SRPX: variants seen among roughly 807,000 people sequenced by gnomAD.
SRPX encodes sushi repeat-containing protein SRPX.
SRPX carries 24 observed loss-of-function variants against 38.1 expected under a neutral mutation model. The ratio of observed to expected loss-of-function variants is 0.63; its 90% CI spans 0.46 to 0.89. The LOEUF (loss-of-function observed/expected upper bound fraction) is 0.89. Ranked by LOEUF, SRPX falls within the 40% of genes least tolerant of loss-of-function variation. The pLI, the probability that SRPX is intolerant of heterozygous loss-of-function variation, is 0.00. For missense variants in SRPX, 416 were observed against 377.8 expected, an observed-to-expected ratio of 1.10 and a Z score of -0.84; for synonymous variants, 184 against 153.8, an observed-to-expected ratio of 1.20 and a Z score of -1.45.
rs747793007 is a variant in SRPX at position 38,149,751 on chromosome X, A to G, written c.1355T>C (p.Met452Thr). The G allele has an allele frequency of 1.7e-6, 2 of 1,211,234 alleles. No individual in the cohort carries two copies. Among genetic ancestry groups the G allele is most frequent in the Admixed American group, 2.2e-5 (1 of 46,002 alleles). ...IDTFPLRKEE[M>T]VLQAEMSQTC... ...CTGGCTCATTTCGGCTTGTAGGACC[A>G]TCTCTTCTTTTCTCAAGGGAAAAGT... The change falls in exon 10 of 10, where the codon ATG becomes ACG. Residue 452 changes from methionine to threonine, a missense_variant. By Grantham distance (81) the Met-to-Thr change is moderately conservative (BLOSUM62 -1). Coordinates refer to ENST00000378533, the MANE Select transcript of SRPX (RefSeq NM_006307.5).
intron 9 of SRPX, among the ~76,000 whole-genome samples, chrX:38,150,264 G>T (rs1937988472): frequency 8.9e-6 from 1 of 112,379 alleles, no homozygotes; most frequent in African/African-American, 3.2e-5. Context: ...GGTACAAGGT[G>T]CATACAAGGC....
At chrX:38,165,895 T>G (rs1361093887) in intron 4 of SRPX, among the ~76,000 whole-genome samples, 1 of 111,702 alleles carries the variant, frequency 9.0e-6, no homozygotes, top group East Asian at 2.8e-4. Flanking sequence ...GAGTTCTGCC[T>G]CGATAGTGAT....
chrX:38,151,525 C>T (rs866708952), intron 9 of SRPX, among the ~76,000 whole-genome samples: 2 of 111,154 alleles, frequency 1.8e-5, no homozygotes, highest in African/African-American at 6.6e-5. Context: ...CCCACCACCA[C>T]CACCACGGTG....
At position 38,211,622 on chromosome X, in the gene SRPX, C is replaced by A. The variant is rs2066790728; in HGVS notation, c.97+9074G>T. On this transcript the variant is annotated intron_variant, in intron 1 of 9. Coordinates refer to ENST00000378533, the MANE Select transcript of SRPX (RefSeq NM_006307.5). The stretch of plus-strand genomic sequence containing the variant: ...GGCTGAGGCAGGAGAATCTCTTGAA[C>A]CTTGGAGGTGGAGGTTGCAGTGAGC... Among the ~76,000 whole-genome samples the A allele has an allele frequency of 2.7e-5, 3 of 110,418 alleles. No homozygotes were observed. In the Admixed American group the frequency reaches 2.9e-4, roughly 11 times the overall value.
chrX:38,160,927 T>G lies in SRPX; in HGVS notation c.775+6A>C. The G allele has an allele frequency of 8.3e-7, 1 of 1,209,686 alleles. No individual in the cohort carries two copies. Among genetic ancestry groups the G allele is most frequent in the Non-Finnish European group, 1.1e-6 (1 of 894,467 alleles). The stretch of plus-strand genomic sequence containing the variant: ...GGGAAACAAAACCAATAAGCAGTAC[T>G]CTTACCTCTTACTTTAACTCGAAAT... On this transcript the variant is annotated splice_donor_region_variant and intron_variant, in intron 6 of 9. Coordinates refer to ENST00000378533, the MANE Select transcript of SRPX (RefSeq NM_006307.5).
intron 1 of SRPX, among the ~76,000 whole-genome samples, chrX:38,181,457 A>T (rs1474663178): frequency 8.9e-6 from 1 of 112,273 alleles, no homozygotes; most frequent in East Asian, 2.8e-4. Flanking sequence ...ACAGTTGTGC[A>T]TGCAGAAAAT....
chrX:38,185,504 A>G (rs1466197876), intron 1 of SRPX, among the ~76,000 whole-genome samples: 1 of 111,908 alleles, frequency 8.9e-6, no homozygotes, highest in Non-Finnish European at 1.9e-5. Flanking sequence ...AACATGATTT[A>G]AAGATGAAGG....
chrX:38,190,695 G>A, intron 1 of SRPX, among the ~76,000 whole-genome samples: 1 of 111,780 alleles, frequency 8.9e-6, no homozygotes, highest in Non-Finnish European at 1.9e-5. Context: ...ATGATCATCT[G>A]CAGGCTTTTG....
intron 1 of SRPX, among the ~76,000 whole-genome samples, chrX:38,208,434 T>C (rs1939253606): frequency 8.9e-6 from 1 of 112,266 alleles, no homozygotes; most frequent in Non-Finnish European, 1.9e-5. Context: ...TACTCTTTTG[T>C]GTCTGGTTTA....
chrX:38,163,486 C>G (rs1318987225), intron 5 of SRPX, among the ~76,000 whole-genome samples: 2 of 112,001 alleles, frequency 1.8e-5, no homozygotes, highest in Non-Finnish European at 3.8e-5. Context: ...TATGAATGTG[C>G]TAACATGAAG....
intron 9 of SRPX, among the ~76,000 whole-genome samples, chrX:38,151,266 T>G (rs1938007668): frequency 8.9e-6 from 1 of 111,852 alleles, no homozygotes; most frequent in African/African-American, 3.3e-5. Flanking sequence ...GACTGCAAAG[T>G]GCATTAATGA....
intron 4 of SRPX, 132 bp downstream of exon 4, chrX:38,171,749 T>C: frequency 1.7e-6 from 1 of 595,383 alleles, no homozygotes; most frequent in Non-Finnish European, 2.6e-6. Flanking sequence ...GAACCAGTGA[T>C]GCTACTGAGA....
At chrX:38,167,204 G>T (rs1938377797) in intron 4 of SRPX, among the ~76,000 whole-genome samples, 1 of 108,009 alleles carries the variant, frequency 9.3e-6, no homozygotes, top group South Asian at 3.8e-4. Flanking sequence ...GAATTTCTTT[G>T]TGGTCTGGGA....
At chrX:38,202,943 A>T (rs1338427450) in intron 1 of SRPX, among the ~76,000 whole-genome samples, 1 of 112,474 alleles carries the variant, frequency 8.9e-6, no homozygotes, top group African/African-American at 3.2e-5. Context: ...CATTACTCTG[A>T]TGCCAAAACC....
At position 38,174,206 on chromosome X, in the gene SRPX, C is replaced by A; in HGVS notation, c.303G>T (p.Leu101=). The A allele has an allele frequency of 8.8e-7, 1 of 1,132,215 alleles. No homozygotes were observed. The highest frequency in any genetic ancestry group is 1.2e-6 in the Non-Finnish European group (1 of 857,543). The allele number at this position is 1,132,215 out of a possible 1,213,427, so 93.3% of individuals were successfully genotyped here. Residue 101 remains leucine, a synonymous_variant, in exon 3 of 10, where the codon CTG becomes CTT. Coordinates refer to ENST00000378533, the MANE Select transcript of SRPX (RefSeq NM_006307.5). ...ACCATCGTTTGTTTGACTGGCAGAT[C>A]AGTAGGGAAGAGCCATGCAGCTCGT... ...KGYELHGSSL[L]ICQSNKRWSD...
intron 7 of SRPX, among the ~76,000 whole-genome samples, chrX:38,158,719 A>G (rs112900563): frequency 0.076 from 8,527 of 111,643 alleles, 269 homozygotes; most frequent in Non-Finnish European, 0.094. Flanking sequence ...AGTGTCTCAC[A>G]TCTGTAATCC....
intron 1 of SRPX, among the ~76,000 whole-genome samples, chrX:38,212,579 G>A (rs1466818429): frequency 1.8e-5 from 2 of 111,365 alleles, no homozygotes; most frequent in Admixed American, 9.5e-5. Flanking sequence ...CAATTTTAAC[G>A]TGCTCCCAGG....
chrX:38,204,089 T>A lies in SRPX; in HGVS notation c.97+16607A>T, dbSNP rs1171580644. On this transcript the variant is annotated intron_variant, in intron 1 of 9. Coordinates refer to ENST00000378533, the MANE Select transcript of SRPX (RefSeq NM_006307.5). Reference sequence around the variant, plus strand: ...AAAAATGTTTGTGAAAGAAATCAACTAATATCTAAATAAATGGAGAGATGT... The same window carrying A: ...AAAAATGTTTGTGAAAGAAATCAACAAATATCTAAATAAATGGAGAGATGT... 3.6e-5 allele frequency among the ~76,000 whole-genome samples: 4 copies of A among 112,284 alleles called. No individual in the cohort carries two copies. The Admixed American group carries it at 3.8e-4, about 11-fold the overall frequency.
intron 1 of SRPX, 140 bp downstream of exon 1, chrX:38,220,556 C>T: frequency 1.0e-6 from 1 of 988,347 alleles, no homozygotes; most frequent in Non-Finnish European, 1.3e-6. Flanking sequence ...ATCATCCCCA[C>T]CCTCGGGCTG....
Sources: allele counts gnomAD v4.1 joint callset (sites outside exome capture counted in the v4.1 genomes callset), GRCh38; gene constraint gnomAD v4.1.1; transcripts MANE v1.5; gene names NCBI Gene and HGNC (gene_info 2026-07-23, HGNC 2026-07-21).